The following ARMCX4 variants were observed in gnomAD, a reference collection of about 807,000 sequenced individuals.
ARMCX4 encodes the protein armadillo repeat-containing X-linked protein 4.
In ARMCX4, 3 loss-of-function variants were observed where a neutral mutation model predicts 34.7. That is an observed-to-expected ratio of 0.09 (90% CI 0.04 to 0.22). The LOEUF is 0.22. ARMCX4 is among the 10% of genes least tolerant of loss of function. ARMCX4 has a pLI of 1.00. For synonymous variants in ARMCX4, 513 were observed against 632.8 expected (o/e 0.81, Z 2.84); for missense variants, 1,448 against 1,720.8 (o/e 0.84, Z 2.81).
intron 3 of ARMCX4, among the ~76,000 whole-genome samples, chrX:101,444,697 G>C (rs1334059466): frequency 8.9e-6 from 1 of 111,940 alleles, no homozygotes; most frequent in Non-Finnish European, 1.9e-5. Context: ...GCTTTATTAA[G>C]GTATAAGTGA....
rs1929096163 is a variant in ARMCX4 at position 101,419,335 on chromosome X, G to A, written n.164+335G>A. ...GAGTGGCTGCAAATGGGCATGGAGC[G>A]TCTTTTAGAGATAACGAAAATGTCC... On this transcript the variant is annotated intron_variant and non_coding_transcript_variant, in intron 2 of 3. Transcript: ENST00000430461. 1.2e-4 allele frequency among the ~76,000 whole-genome samples: 13 copies of A among 111,512 alleles called. No individual in the cohort carries two copies. In the South Asian group the frequency reaches 3.7e-3, roughly 32 times the overall value.
intron 2 of ARMCX4, among the ~76,000 whole-genome samples, chrX:101,425,582 A>C (rs1226923246): frequency 9.2e-6 from 1 of 109,243 alleles, no homozygotes; most frequent in Non-Finnish European, 1.9e-5. Context: ...TTTAGTAGAA[A>C]CGGGGTTTCA....
downstream of ARMCX4, among the ~76,000 whole-genome samples, chrX:101,450,374 C>G (rs1931913810): frequency 8.9e-6 from 1 of 112,103 alleles, no homozygotes; most frequent in South Asian, 3.7e-4. Context: ...GGAAGTACTT[C>G]CAGATTACCA....
Position 101,471,672 on chromosome X carries a change from A to G in ARMCX4, c.-472-14351A>G, listed in dbSNP as rs192849264. ...CCCCTGACCCTGGAGCAGCCTAACT[A>G]GGAGGCACCCCCCAGCAGGGGCACA... On this transcript the variant is annotated intron_variant and NMD_transcript_variant, in intron 4 of 15. Coordinates refer to the ARMCX4 transcript ENST00000433011. Among the ~76,000 whole-genome samples the G allele has an allele frequency of 3.4e-3, 377 of 111,189 alleles. 3 individuals carry two copies. Among genetic ancestry groups the G allele is most frequent in the African/African-American group, 0.011 (348 of 30,412 alleles).
At chrX:101,528,922 A>G (rs1475741949) in intron 11 of ARMCX4, among the ~76,000 whole-genome samples, 3 of 111,755 alleles carry the variant, frequency 2.7e-5, no homozygotes, top group Non-Finnish European at 3.8e-5. Flanking sequence ...GGTAACTTAT[A>G]GATTCAGTGC....
intron 4 of ARMCX4, among the ~76,000 whole-genome samples, chrX:101,472,959 A>G (rs1932979790): frequency 9.3e-6 from 1 of 107,068 alleles, no homozygotes; most frequent in Non-Finnish European, 1.9e-5. Flanking sequence ...ACATAACAAT[A>G]TTAACTTTAA....
downstream of ARMCX4, among the ~76,000 whole-genome samples, chrX:101,496,454 G>A (rs781935963): frequency 5.4e-5 from 6 of 110,991 alleles, no homozygotes; most frequent in East Asian, 1.4e-3. Flanking sequence ...GAGGATGGAC[G>A]TGAGAGGCCC....
chrX:101,442,043 A>AT lies in ARMCX4; in HGVS notation n.165-2003dup, dbSNP rs781929856. On this transcript the variant is annotated intron_variant and non_coding_transcript_variant, in intron 2 of 3. Transcript: ENST00000430461. ...TATCCACCCATTCATTTATTCCTGC[A>AT]TTTTTTCATCCAACCCTAAAAGAGG... Among the ~76,000 whole-genome samples, 5 of 112,132 alleles carry AT rather than the reference A, an allele frequency of 4.5e-5. No homozygotes were observed. In the East Asian group the frequency reaches 1.4e-3, roughly 31 times the overall value.
In ARMCX4 at chrX:101,492,961, A is replaced by G; in HGVS notation, c.4372A>G (p.Ser1458Gly). Residue 1458 changes from serine to glycine, a missense_variant, in exon 6 of 6, where the codon AGT becomes GGT. Around this residue, in one of 2 missense-constraint regions of ARMCX4, gnomAD observed 1,343 missense variants for 1,540.7 expected, o/e 0.87. Coordinates refer to ENST00000423738, the MANE Select transcript of ARMCX4 (RefSeq NM_001256155.3). ...GSWTGAGHPA[S>G]VGPKPIFEDQ... The stretch of plus-strand genomic sequence containing the variant: ...CTGGACTGGGGCTGGGCATCCAGCT[A>G]GTGTTGGGCCAAAGCCTATATTTGA... The G allele has an allele frequency of 8.7e-7, 1 of 1,148,846 alleles. No individual in the cohort carries two copies. Among genetic ancestry groups the G allele is most frequent in the Non-Finnish European group, 1.2e-6 (1 of 869,546 alleles). 94.7% of individuals were successfully genotyped at this position (1,148,846 alleles called of 1,213,427 possible).
intron 2 of ARMCX4, among the ~76,000 whole-genome samples, chrX:101,439,623 G>A (rs1441088034): frequency 1.8e-5 from 2 of 111,977 alleles, no homozygotes; most frequent in African/African-American, 3.2e-5. Context: ...CCAATCAGAT[G>A]TAGATTTGGT....
chrX:101,441,799 G>A (rs187475371), intron 2 of ARMCX4, among the ~76,000 whole-genome samples: 1 of 111,500 alleles, frequency 9.0e-6, no homozygotes, highest in East Asian at 2.8e-4. Flanking sequence ...TCTACTGATG[G>A]CCTGTGCTAG....
At chrX:101,483,764 A>G (rs2147654118), upstream of ARMCX4, among the ~76,000 whole-genome samples, 1 of 111,448 alleles carries the variant, frequency 9.0e-6, no homozygotes, top group East Asian at 2.8e-4. Flanking sequence ...TGGTGGAGAA[A>G]GTAAGTTCGT....
chrX:101,460,755 T>A (rs1452736519), intron 4 of ARMCX4, among the ~76,000 whole-genome samples: 1 of 111,966 alleles, frequency 8.9e-6, no homozygotes, highest in Admixed American at 9.5e-5. Context: ...TATTAATATA[T>A]GTAGCTAATT....
Position 101,495,069 on chromosome X carries a change from G to C in ARMCX4, c.6480G>C (p.Met2160Ile). The C allele has an allele frequency of 8.7e-7, 1 of 1,152,819 alleles. No homozygotes were observed. The highest frequency in any genetic ancestry group is 1.1e-6 in the Non-Finnish European group (1 of 870,086). ...CTATTACCAGTGAATATCAGCATATGGTTACAAATTATATTTCAGAATTTC... is the reference window on the plus strand; with the variant it reads ...CTATTACCAGTGAATATCAGCATATCGTTACAAATTATATTTCAGAATTTC... ...HLTITSEYQH[M>I]VTNYISEFLR... The change falls in exon 6 of 6, where the codon ATG (methionine) becomes ATC (isoleucine). Residue 2160 changes from methionine to isoleucine, a missense_variant. Around this residue, in one of 2 missense-constraint regions of ARMCX4, gnomAD observed 105 missense variants for 180.2 expected, o/e 0.58. Coordinates refer to ENST00000423738, the MANE Select transcript of ARMCX4 (RefSeq NM_001256155.3).
intron 4 of ARMCX4, among the ~76,000 whole-genome samples, chrX:101,467,031 A>T (rs1932803609): frequency 8.9e-6 from 1 of 112,789 alleles, no homozygotes; most frequent in Admixed American, 9.4e-5. Context: ...TAGTGGCCTT[A>T]TCTTATTCCA....
In ARMCX4 at chrX:101,491,142, T is replaced by C. The variant is rs1383685397; in HGVS notation, c.2553T>C (p.Asn851=). Residue 851 remains asparagine (N), a synonymous_variant, in exon 6 of 6, where the codon AAT becomes AAC. Coordinates refer to ENST00000423738, the MANE Select transcript of ARMCX4 (RefSeq NM_001256155.3). ...GTGCCAAGAATAAGGTCAAGGGCAA[T>C]CCCAATGTCGTGTCTAAGGCAGGGG... The part of the protein sequence containing the change: ...LPGAKNKVKG[N]PNVVSKAGAR... The C allele has an allele frequency of 6.9e-6, 8 of 1,155,123 alleles. No individual in the cohort carries two copies. The African/African-American group carries it at 1.1e-4, about 15-fold the overall frequency.
intron 4 of ARMCX4, among the ~76,000 whole-genome samples, chrX:101,479,668 A>G (rs1418073114): frequency 2.7e-5 from 3 of 109,221 alleles, no homozygotes; most frequent in African/African-American, 1.0e-4. Flanking sequence ...TTTAGTAAAG[A>G]CGAGGTTTCA....
intron 7 of ARMCX4, among the ~76,000 whole-genome samples, chrX:101,503,014 C>T (rs1415801734): frequency 1.0e-5 from 1 of 99,953 alleles, no homozygotes; most frequent in African/African-American, 3.7e-5. Flanking sequence ...CAATTCCCAC[C>T]TATGAGTGAG....
At chrX:101,471,616 G>A (rs1301719071) in intron 4 of ARMCX4, among the ~76,000 whole-genome samples, 3 of 111,895 alleles carry the variant, frequency 2.7e-5, no homozygotes, top group Non-Finnish European at 3.8e-5. Flanking sequence ...ATTTGAGAAC[G>A]GGCAGACTGC....
Sources: allele counts gnomAD v4.1 joint callset (sites outside exome capture counted in the v4.1 genomes callset), GRCh38; gene constraint gnomAD v4.1.1; regional missense constraint gnomAD v4.1.1; transcripts MANE v1.5; gene names NCBI Gene and HGNC (gene_info 2026-07-23, HGNC 2026-07-21).